Variants in EPB41L5 observed in about 807,000 individuals in gnomAD.
EPB41L5 encodes band 4.1-like protein 5.
EPB41L5 carries 55 observed loss-of-function variants against 106.6 expected under a neutral mutation model. That is an observed-to-expected ratio of 0.52 (90% CI 0.42 to 0.65). EPB41L5 has a LOEUF of 0.65. Ranked by LOEUF, EPB41L5 falls within the 30% of genes least tolerant of loss-of-function variation. EPB41L5 has a pLI of 0.00. For synonymous variants in EPB41L5, 297 were observed against 306.7 expected (o/e 0.97, Z 0.33); for missense variants, 871 against 882.1 (o/e 0.99, Z 0.16).
At chr2:120,078,452 T>G in intron 9 of EPB41L5, 41 bp from the exon 10 acceptor site, 1 of 1,373,270 alleles carries the variant, frequency 7.3e-7, no homozygotes. Context: ...AAACCTGTTT[T>G]GTACAAATAA....
At chr2:120,088,558 A>G (rs928427665) in intron 11 of EPB41L5, among the ~76,000 whole-genome samples, 1 of 152,162 alleles carries the variant, frequency 6.6e-6, no homozygotes, top group East Asian at 1.9e-4. Flanking sequence ...TTACCTATGT[A>G]ACAAACCTTC....
At chr2:120,162,400 G>C (rs1687172758) in intron 21 of EPB41L5, among the ~76,000 whole-genome samples, 2 of 152,160 alleles carry the variant, frequency 1.3e-5, no homozygotes, top group African/African-American at 4.8e-5. Context: ...ATGTACATCT[G>C]TTGTAATTTG....
intron 20 of EPB41L5, among the ~76,000 whole-genome samples, chr2:120,147,313 C>T (rs748544319): frequency 1.8e-4 from 28 of 152,304 alleles, no homozygotes; most frequent in South Asian, 4.1e-4. Context: ...CGCACCACTG[C>T]GCTTCATTCT....
intron 17 of EPB41L5, among the ~76,000 whole-genome samples, chr2:120,131,261 G>A (rs2105470153): frequency 6.6e-6 from 1 of 152,308 alleles, no homozygotes; most frequent in Non-Finnish European, 1.5e-5. Flanking sequence ...TTAGACATGA[G>A]CCTGGGTTGT....
chr2:120,064,642 T>C (rs1469761083), intron 3 of EPB41L5, among the ~76,000 whole-genome samples: 2 of 152,228 alleles, frequency 1.3e-5, no homozygotes, highest in African/African-American at 2.4e-5. Flanking sequence ...TCCTTTGATA[T>C]ATCTTTATCA....
intron 3 of EPB41L5, among the ~76,000 whole-genome samples, chr2:120,057,151 A>T (rs1418191035): frequency 1.3e-5 from 2 of 152,088 alleles, no homozygotes; most frequent in Non-Finnish European, 2.9e-5. Flanking sequence ...CAGCCTCGCA[A>T]AGTGCTGGGA....
At chr2:120,055,008 A>G (rs111335662) in intron 3 of EPB41L5, among the ~76,000 whole-genome samples, 1 of 151,512 alleles carries the variant, frequency 6.6e-6, no homozygotes, top group Non-Finnish European at 1.5e-5. Context: ...CTGGGACTAC[A>G]GGCATGCACC....
At chr2:120,016,963 T>G (rs141971930) in intron 1 of EPB41L5, among the ~76,000 whole-genome samples, 59 of 152,354 alleles carry the variant, frequency 3.9e-4, no homozygotes, top group Non-Finnish European at 6.9e-4. Flanking sequence ...TTTAGTTATT[T>G]CCTTGGGATT....
chr2:120,164,995 A>G lies in EPB41L5; in HGVS notation c.1962+85A>G, dbSNP rs1024873829. The G allele has an allele frequency of 8.0e-6, 8 of 997,142 alleles. No individual in the cohort carries two copies. The African/African-American group carries it at 9.9e-5, about 12-fold the overall frequency. The allele number at this position is 997,142 out of a possible 1,614,324, so 61.8% of individuals were successfully genotyped here. On this transcript the variant is annotated intron_variant, in intron 22 of 24. Transcript: ENST00000263713. Reference sequence around the variant, plus strand: ...CTAGATTCCAGTTTTTTCCTTTTTAATAATTCAGTTAAACTTTTCATTTGA... The same window carrying G: ...CTAGATTCCAGTTTTTTCCTTTTTAGTAATTCAGTTAAACTTTTCATTTGA...
intron 20 of EPB41L5, among the ~76,000 whole-genome samples, chr2:120,149,476 C>T (rs1387419584): frequency 6.6e-6 from 1 of 152,124 alleles, no homozygotes; most frequent in Admixed American, 6.5e-5. Flanking sequence ...ATAAATGATA[C>T]TCTGTAATAT....
chr2:120,121,988 T>A (rs1574711269), intron 16 of EPB41L5, among the ~76,000 whole-genome samples: 1 of 152,344 alleles, frequency 6.6e-6, no homozygotes, highest in Non-Finnish European at 1.5e-5. Context: ...TTTTGAGAAG[T>A]GTCTGTTCAT....
intron 16 of EPB41L5, among the ~76,000 whole-genome samples, chr2:120,103,810 A>T (rs563579827): frequency 1.4e-4 from 22 of 152,292 alleles, no homozygotes; most frequent in African/African-American, 4.1e-4. Context: ...TTCTTCTTTA[A>T]TTCACTTAGC....
intron 12 of EPB41L5, among the ~76,000 whole-genome samples, chr2:120,090,911 C>CT (rs1683364952): frequency 6.6e-6 from 1 of 152,108 alleles, no homozygotes; most frequent in African/African-American, 2.4e-5. Flanking sequence ...GGTCATTATT[C>CT]TCATGACTCC....
intron 3 of EPB41L5, among the ~76,000 whole-genome samples, chr2:120,068,861 C>T (rs1472229145): frequency 4.0e-5 from 6 of 151,474 alleles, no homozygotes; most frequent in African/African-American, 1.5e-4. Flanking sequence ...GGCACAGTGG[C>T]TCACACTTGT....
At chr2:120,114,111 T>C (rs1684845326) in intron 16 of EPB41L5, among the ~76,000 whole-genome samples, 1 of 152,210 alleles carries the variant, frequency 6.6e-6, no homozygotes, top group African/African-American at 2.4e-5. Context: ...TTCCAGTTTT[T>C]CCACATCTTC....
intron 16 of EPB41L5, among the ~76,000 whole-genome samples, chr2:120,123,214 C>T (rs1244354920): frequency 6.6e-6 from 1 of 151,900 alleles, no homozygotes; most frequent in Non-Finnish European, 1.5e-5. Flanking sequence ...AGCCTCTGTT[C>T]CTGTCTAGAA....
chr2:120,072,324 T>G, intron 3 of EPB41L5, among the ~76,000 whole-genome samples: 1 of 147,056 alleles, frequency 6.8e-6, no homozygotes, highest in Non-Finnish European at 1.5e-5. Context: ...GAATGCTTTT[T>G]TTGGTGGGGG....
At chr2:120,160,702 G>A (rs529429969) in intron 20 of EPB41L5, 179 bp from the exon 21 acceptor site, 38 of 563,972 alleles carry the variant, frequency 6.7e-5, no homozygotes, top group Middle Eastern at 4.2e-4. Flanking sequence ...CATTTTAACT[G>A]GAGCGAGATG....
At chr2:120,061,985 T>C (rs2105285144) in intron 3 of EPB41L5, among the ~76,000 whole-genome samples, 1 of 152,308 alleles carries the variant, frequency 6.6e-6, no homozygotes, top group Admixed American at 6.5e-5. Context: ...TTTTTATTTT[T>C]TATACTGAAT....
Sources: gnomAD v4.1 joint callset for allele counts (sites outside exome capture counted in the v4.1 genomes callset) on GRCh38, gnomAD v4.1.1 for gene constraint, MANE v1.5 for transcripts, NCBI Gene and HGNC (gene_info 2026-07-23, HGNC 2026-07-21) for gene names.